Variants in CACNA2D3 observed in about 807,000 individuals in gnomAD.
CACNA2D3 encodes the protein voltage-dependent calcium channel subunit alpha-2/delta-3.
In CACNA2D3, 60 loss-of-function variants were observed where a neutral mutation model predicts 160.6. The ratio of observed to expected loss-of-function variants is 0.37; its 90% CI spans 0.30 to 0.46. The LOEUF (loss-of-function observed/expected upper bound fraction) is 0.46, where lower values mean the gene tolerates loss of function less well. CACNA2D3 is among the 20% of genes least tolerant of loss of function. CACNA2D3 has a pLI of 1.00. For synonymous variants in CACNA2D3, 558 were observed against 492.9 expected (o/e 1.13, Z -1.75); for missense variants, 1,205 against 1,365.0 (o/e 0.88, Z 1.85).
At chr3:54,731,350 T>G (rs1213088601) in intron 11 of CACNA2D3, among the ~76,000 whole-genome samples, 2 of 152,222 alleles carry the variant, frequency 1.3e-5, no homozygotes, top group Non-Finnish European at 2.9e-5. Flanking sequence ...AATTGACACT[T>G]GACTGTATCC....
chr3:54,954,987 C>G (rs949655415), intron 27 of CACNA2D3, among the ~76,000 whole-genome samples: 1 of 152,172 alleles, frequency 6.6e-6, no homozygotes, highest in African/African-American at 2.4e-5. Context: ...ACCAGCTATG[C>G]TTAGGGAATA....
intron 4 of CACNA2D3, among the ~76,000 whole-genome samples, chr3:54,417,030 A>G (rs2106741060): frequency 6.6e-6 from 1 of 152,340 alleles, no homozygotes; most frequent in South Asian, 2.1e-4. Context: ...AGTCTCTTAA[A>G]AAATACAGGT....
intron 5 of CACNA2D3, among the ~76,000 whole-genome samples, chr3:54,523,855 T>C (rs1288561488): frequency 1.3e-5 from 2 of 152,078 alleles, no homozygotes; most frequent in Admixed American, 1.3e-4. Context: ...TAATATGCCC[T>C]CTTTCAGATT....
At chr3:54,940,741 G>C (rs1311066703) in intron 27 of CACNA2D3, among the ~76,000 whole-genome samples, 1 of 152,148 alleles carries the variant, frequency 6.6e-6, no homozygotes, top group Non-Finnish European at 1.5e-5. Flanking sequence ...CATTTATTCT[G>C]TGCTTGATAT....
At chr3:54,832,846 C>CG (rs1703909713) in intron 14 of CACNA2D3, among the ~76,000 whole-genome samples, 1 of 152,104 alleles carries the variant, frequency 6.6e-6, no homozygotes, top group African/African-American at 2.4e-5. Context: ...AGCTGATGCT[C>CG]GAGGAGTGTT....
chr3:54,591,283 A>G (rs181364177), intron 9 of CACNA2D3, among the ~76,000 whole-genome samples: 1 of 152,156 alleles, frequency 6.6e-6, no homozygotes, highest in Non-Finnish European at 1.5e-5. Context: ...TATCTCCTCT[A>G]GGTGTCTTCC....
intron 11 of CACNA2D3, among the ~76,000 whole-genome samples, chr3:54,710,201 C>T (rs1378782660): frequency 2.0e-5 from 3 of 152,000 alleles, no homozygotes; most frequent in Non-Finnish European, 4.4e-5. Flanking sequence ...ATAAGCAAAC[C>T]CCAAATAAAA....
chr3:54,456,372 G>A (rs967844199), intron 4 of CACNA2D3, among the ~76,000 whole-genome samples: 1 of 151,948 alleles, frequency 6.6e-6, no homozygotes, highest in African/African-American at 2.4e-5. Flanking sequence ...TGTTGTTGGT[G>A]TGTAGGAATA....
intron 9 of CACNA2D3, among the ~76,000 whole-genome samples, chr3:54,584,151 C>G (rs971692156): frequency 6.6e-6 from 1 of 151,736 alleles, no homozygotes; most frequent in African/African-American, 2.4e-5. Context: ...AATATAAAAT[C>G]CATAATGCCC....
chr3:54,286,696 A>T (rs1303157395), intron 2 of CACNA2D3, among the ~76,000 whole-genome samples: 2 of 152,242 alleles, frequency 1.3e-5, no homozygotes, highest in Admixed American at 6.5e-5. Context: ...CAGGTTACCC[A>T]CAAAGGGAAG....
intron 13 of CACNA2D3, among the ~76,000 whole-genome samples, chr3:54,804,028 C>G (rs1183010438): frequency 6.6e-6 from 1 of 151,954 alleles, no homozygotes; most frequent in Non-Finnish European, 1.5e-5. Flanking sequence ...CACCACCAGG[C>G]CTGCCCTAAA....
At chr3:54,286,117 G>T (rs549699044) in intron 2 of CACNA2D3, among the ~76,000 whole-genome samples, 1 of 152,066 alleles carries the variant, frequency 6.6e-6, no homozygotes, top group Non-Finnish European at 1.5e-5. Flanking sequence ...GGCTTCAGAC[G>T]ATCAAACTAC....
intron 2 of CACNA2D3, among the ~76,000 whole-genome samples, chr3:54,162,734 T>A (rs1488453205): frequency 6.6e-6 from 1 of 152,218 alleles, no homozygotes. Context: ...AAGACAGTGC[T>A]GCCCCAGATC....
chr3:54,327,423 T>C (rs1704141815), intron 3 of CACNA2D3, among the ~76,000 whole-genome samples: 1 of 152,246 alleles, frequency 6.6e-6, no homozygotes, highest in Non-Finnish European at 1.5e-5. Flanking sequence ...TTCATGCTTA[T>C]TCTGGGGGTG....
chr3:54,307,745 C>T (rs1357602563), intron 2 of CACNA2D3, among the ~76,000 whole-genome samples: 1 of 152,178 alleles, frequency 6.6e-6, no homozygotes, highest in Admixed American at 6.5e-5. Context: ...TAGCTTTAAG[C>T]TTGTTAGGGA....
intron 5 of CACNA2D3, among the ~76,000 whole-genome samples, chr3:54,551,115 C>T (rs1559510665): frequency 6.6e-6 from 1 of 152,158 alleles, no homozygotes; most frequent in Non-Finnish European, 1.5e-5. Flanking sequence ...TACTTGGTTC[C>T]CCCTGTCCCC....
At position 54,801,923 on chromosome 3, in the gene CACNA2D3, A is replaced by G. The variant is rs1340578314; in HGVS notation, c.1381-14930A>G. 3.9e-5 allele frequency among the ~76,000 whole-genome samples: 6 copies of G among 152,356 alleles called. No homozygotes were observed. In the East Asian group the frequency reaches 5.8e-4, roughly 15 times the overall value. The stretch of plus-strand genomic sequence containing the variant: ...ATAAAAGCAAGAAAATTTGGAATAC[A>G]TAGATACCATTTTACCCATAAGTCT... On this transcript the variant is annotated intron_variant, in intron 13 of 37. Coordinates refer to ENST00000474759, the MANE Select transcript of CACNA2D3 (RefSeq NM_018398.3).
Position 54,987,760 on chromosome 3 carries a change from G to A in CACNA2D3, c.2690+7G>A, listed in dbSNP as rs781700656. 4 of 1,592,434 alleles carry A rather than the reference G, an allele frequency of 2.5e-6. No individual in the cohort carries two copies. In the South Asian group the frequency reaches 3.4e-5, roughly 14 times the overall value. ...CAATGGGCTCCTTTAAAAGGTAAGG[G>A]TTTTATGGTCCACTGCATTCCCCCC... On this transcript the variant is annotated splice_region_variant and intron_variant, in intron 31 of 37. Transcript: ENST00000474759.
At chr3:54,801,267 G>A (rs1470029722) in intron 13 of CACNA2D3, among the ~76,000 whole-genome samples, 1 of 152,042 alleles carries the variant, frequency 6.6e-6, no homozygotes, top group Non-Finnish European at 1.5e-5. Context: ...GGATTACAGG[G>A]GTGAGCCATC....
Sources: gnomAD v4.1 joint callset for allele counts (sites outside exome capture counted in the v4.1 genomes callset) on GRCh38, gnomAD v4.1.1 for gene constraint, MANE v1.5 for transcripts, NCBI Gene and HGNC (gene_info 2026-07-23, HGNC 2026-07-21) for gene names.